Variants in SLC13A3 observed in about 807,000 individuals in gnomAD.
SLC13A3 encodes the protein solute carrier family 13 member 3, also known as Na(+)/dicarboxylate cotransporter 3.
In SLC13A3, 40 loss-of-function variants were observed where a neutral mutation model predicts 59.0. The observed-to-expected ratio is 0.68, with a 90% CI of 0.53 to 0.88. SLC13A3 has a LOEUF of 0.88. Ranked by LOEUF, SLC13A3 falls within the 40% of genes least tolerant of loss-of-function variation. SLC13A3 has a pLI of 0.00. For synonymous variants in SLC13A3, 317 were observed against 330.3 expected (o/e 0.96, Z 0.44); for missense variants, 699 against 783.2 (o/e 0.89, Z 1.28).
At chr20:46,618,180 C>A (rs138721440) in intron 1 of SLC13A3, among the ~76,000 whole-genome samples, 1 of 150,240 alleles carries the variant, frequency 6.7e-6, no homozygotes, top group African/African-American at 2.5e-5. Context: ...GTTTGGTGCC[C>A]AGCCCATCCC....
chr20:46,637,002 T>C (rs1340429942), intron 1 of SLC13A3, among the ~76,000 whole-genome samples: 1 of 152,086 alleles, frequency 6.6e-6, no homozygotes, highest in East Asian at 1.9e-4. Context: ...GATTTCACCA[T>C]GTTGACCAGG....
At chr20:46,569,997 G>A (rs1355237363) in intron 10 of SLC13A3, among the ~76,000 whole-genome samples, 1 of 152,196 alleles carries the variant, frequency 6.6e-6, no homozygotes, top group Non-Finnish European at 1.5e-5. Context: ...GGGCTCGGCT[G>A]TGTGCATACA....
intron 9 of SLC13A3, 149 bp downstream of exon 9, chr20:46,583,423 C>T: frequency 4.9e-6 from 7 of 1,438,874 alleles, no homozygotes; most frequent in Non-Finnish European, 6.4e-6. Flanking sequence ...AGCCCTCAGT[C>T]CCCAGACAAG....
chr20:46,579,967 A>G (rs1600513000), intron 9 of SLC13A3, among the ~76,000 whole-genome samples: 1 of 148,628 alleles, frequency 6.7e-6, no homozygotes, highest in Non-Finnish European at 1.5e-5. Context: ...GGCACTCATC[A>G]CTACTTTTTT....
At chr20:46,640,928 T>C (rs1025444986) in intron 1 of SLC13A3, among the ~76,000 whole-genome samples, 10 of 152,126 alleles carry the variant, frequency 6.6e-5, no homozygotes, top group African/African-American at 2.4e-4. Flanking sequence ...GCCAGCCTGT[T>C]TACACACCTG....
chr20:46,603,046 C>T (rs563104874), intron 3 of SLC13A3, among the ~76,000 whole-genome samples: 13 of 151,734 alleles, frequency 8.6e-5, no homozygotes, highest in African/African-American at 2.9e-4. Context: ...GGCATGGTGG[C>T]GCATGCCTGT....
At chr20:46,681,676 T>A (rs1568969663) in intron 1 of SLC13A3, 1 of 152,140 alleles carries the variant, frequency 6.6e-6, no homozygotes, top group Non-Finnish European at 1.5e-5. Flanking sequence ...TAAAACTGGG[T>A]AATTTATAAA....
chr20:46,619,419 T>G (rs1168416185), intron 1 of SLC13A3, among the ~76,000 whole-genome samples: 2 of 152,230 alleles, frequency 1.3e-5, no homozygotes, highest in African/African-American at 4.8e-5. Context: ...AAGGTCAAAC[T>G]TCATCAGCTT....
At chr20:46,606,819 C>T (rs1179500458) in intron 3 of SLC13A3, among the ~76,000 whole-genome samples, 5 of 152,212 alleles carry the variant, frequency 3.3e-5, no homozygotes, top group African/African-American at 1.2e-4. Flanking sequence ...AGTGCCTCCC[C>T]ACAGGGCTGT....
chr20:46,592,043 C>T (rs2062263118), intron 6 of SLC13A3, among the ~76,000 whole-genome samples: 1 of 151,460 alleles, frequency 6.6e-6, no homozygotes, highest in Non-Finnish European at 1.5e-5. Flanking sequence ...TCTGTCTCTA[C>T]AAAAAATTAA....
intron 3 of SLC13A3, 102 bp downstream of exon 3, chr20:46,610,344 A>G (rs2062481698): frequency 3.6e-6 from 4 of 1,110,326 alleles, no homozygotes; most frequent in Non-Finnish European, 5.2e-6. Context: ...TAGGTGCTCA[A>G]TAAGTGTGCA....
At chr20:46,606,384 A>C (rs1228004411) in intron 3 of SLC13A3, among the ~76,000 whole-genome samples, 1 of 152,190 alleles carries the variant, frequency 6.6e-6, no homozygotes, top group East Asian at 1.9e-4. Flanking sequence ...AAAGTTGCAG[A>C]AGGTTGGTTA....
chr20:46,635,750 T>C (rs2062789673), intron 1 of SLC13A3, among the ~76,000 whole-genome samples: 1 of 151,974 alleles, frequency 6.6e-6, no homozygotes, highest in East Asian at 1.9e-4. Flanking sequence ...AGATAGGAGG[T>C]CAGCAGGACT....
intron 3 of SLC13A3, among the ~76,000 whole-genome samples, chr20:46,604,887 C>T (rs2062421659): frequency 6.6e-6 from 1 of 152,124 alleles, no homozygotes; most frequent in African/African-American, 2.4e-5. Context: ...ACAGTAAGAA[C>T]TCTGACTTGG....
intron 1 of SLC13A3, among the ~76,000 whole-genome samples, chr20:46,622,174 G>A (rs767571137): frequency 7.9e-5 from 12 of 152,308 alleles, no homozygotes; most frequent in Non-Finnish European, 1.5e-4. Flanking sequence ...TGTGGAATGA[G>A]TGAAAGAATA....
chr20:46,672,431 G>A (rs1468433013), upstream of SLC13A3, among the ~76,000 whole-genome samples: 1 of 152,158 alleles, frequency 6.6e-6, no homozygotes, highest in Non-Finnish European at 1.5e-5. Context: ...TCAAACCTGT[G>A]CCAGGCACTG....
At chr20:46,589,028 C>G in intron 7 of SLC13A3, 132 bp downstream of exon 7, 2 of 759,756 alleles carry the variant, frequency 2.6e-6, no homozygotes, top group Non-Finnish European at 4.4e-6. Flanking sequence ...TCCTCCATCT[C>G]TAGGCTCCCA....
chr20:46,637,363 C>T (rs1269113340), intron 1 of SLC13A3, among the ~76,000 whole-genome samples: 2 of 152,204 alleles, frequency 1.3e-5, no homozygotes, highest in African/African-American at 4.8e-5. Flanking sequence ...GACAAGGGAA[C>T]TCTCACTGAG....
At chr20:46,622,006 A>G (rs1266535936) in intron 1 of SLC13A3, among the ~76,000 whole-genome samples, 2 of 152,196 alleles carry the variant, frequency 1.3e-5, no homozygotes, top group Non-Finnish European at 2.9e-5. Context: ...TGTAACCTGC[A>G]AAGGTTCATC....
Sources: allele counts gnomAD v4.1 joint callset (sites outside exome capture counted in the v4.1 genomes callset), GRCh38; gene constraint gnomAD v4.1.1; transcripts MANE v1.5; gene names NCBI Gene and HGNC (gene_info 2026-07-23, HGNC 2026-07-21).